RREB1: variants seen among roughly 807,000 people sequenced by gnomAD.
RREB1 encodes the protein ras-responsive element-binding protein 1.
RREB1 carries 27 observed loss-of-function variants against 117.8 expected under a neutral mutation model. That is an observed-to-expected ratio of 0.23 (90% CI 0.17 to 0.32). RREB1 has a LOEUF of 0.32. RREB1 is among the 10% of genes least tolerant of loss of function. The probability of loss-of-function intolerance (pLI) is 1.00; values close to 1 mark genes in which losing one functional copy is unlikely to be tolerated. For missense variants in RREB1, 2,577 were observed against 2,378.2 expected, an observed-to-expected ratio of 1.08 and a Z score of -1.74; for synonymous variants, 1,298 against 1,026.7, an observed-to-expected ratio of 1.26 and a Z score of -5.05.
intron 1 of RREB1, among the ~76,000 whole-genome samples, chr6:7,154,796 C>T (rs1581461369): frequency 6.6e-6 from 1 of 152,126 alleles, no homozygotes; most frequent in East Asian, 1.9e-4. Flanking sequence ...ACCCACCGGG[C>T]CTTAAGGTAG....
chr6:7,214,019 G>A (rs1439149940), intron 8 of RREB1: 3 of 152,408 alleles, frequency 2.0e-5, no homozygotes, highest in African/African-American at 4.8e-5. Flanking sequence ...TGACCTGGGT[G>A]AGGGACGAGG....
intron 1 of RREB1, among the ~76,000 whole-genome samples, chr6:7,162,412 T>C (rs575713696): frequency 1.1e-3 from 166 of 152,342 alleles, no homozygotes; most frequent in African/African-American, 3.9e-3. Context: ...TTTGCTGTGC[T>C]GCCCTCGCCT....
rs1264989704 is a variant in RREB1 at position 7,231,008 on chromosome 6, C to T, written c.2909C>T (p.Ser970Phe). ...EEEAGSSEQP[S>F]PCPAPGPSLP... is the part of the protein sequence containing the mutation. ...GAGGCGGGGAGCAGCGAGCAGCCCT[C>T]TCCCTGCCCAGCACCCGGCCCTTCT... The change falls in exon 10 of 13, where the codon TCT becomes TTT. Residue 970 changes from serine to phenylalanine, a missense_variant. Physicochemically the swap from Ser to Phe is radical, Grantham distance 155. Coordinates refer to ENST00000379938, the MANE Select transcript of RREB1 (RefSeq NM_001003699.4). 3.1e-6 allele frequency: 5 copies of T among 1,614,180 alleles called. No individual in the cohort carries two copies. Among genetic ancestry groups the T allele is most frequent in the Admixed American group, 1.7e-5 (1 of 60,032 alleles).
chr6:7,128,694 C>T (rs1202177077), intron 1 of RREB1, among the ~76,000 whole-genome samples: 2 of 152,084 alleles, frequency 1.3e-5, no homozygotes, highest in South Asian at 2.1e-4. Context: ...TGGGGCCGGG[C>T]GTGGTGGCTC....
At chr6:7,181,629 G>A in intron 3 of RREB1, 1 of 584,546 alleles carries the variant, frequency 1.7e-6, no homozygotes. Flanking sequence ...TCATGAGTTT[G>A]AGTCCTGTTG....
intron 10 of RREB1, among the ~76,000 whole-genome samples, chr6:7,235,222 A>G (rs1287001919): frequency 6.6e-6 from 1 of 152,110 alleles, no homozygotes; most frequent in Non-Finnish European, 1.5e-5. Context: ...GTGTTAGAGC[A>G]TTTTCCATTC....
intron 6 of RREB1, among the ~76,000 whole-genome samples, chr6:7,210,356 A>T (rs1207905301): frequency 1.3e-5 from 2 of 152,244 alleles, no homozygotes; most frequent in African/African-American, 4.8e-5. Context: ...CAGAAAAGAG[A>T]GATGTGTACA....
intron 10 of RREB1, 68 bp from the exon 11 acceptor site, chr6:7,240,370 C>T (rs1429342131): frequency 2.9e-6 from 4 of 1,382,856 alleles, no homozygotes; most frequent in Non-Finnish European, 4.0e-6. Flanking sequence ...GGAGAATAAA[C>T]AAAAGCGACT....
chr6:7,236,507 C>T (rs577566906), intron 10 of RREB1, among the ~76,000 whole-genome samples: 2 of 152,096 alleles, frequency 1.3e-5, no homozygotes, highest in African/African-American at 4.8e-5. Flanking sequence ...CAGCTTTGGC[C>T]GTTTGTACCC....
intron 6 of RREB1, among the ~76,000 whole-genome samples, chr6:7,198,783 C>T (rs1013767133): frequency 7.2e-5 from 11 of 152,216 alleles, no homozygotes; most frequent in African/African-American, 2.6e-4. Context: ...CTTCTCTTTT[C>T]AACCAGATTA....
At chr6:7,142,822 C>T (rs1762675326) in intron 1 of RREB1, among the ~76,000 whole-genome samples, 1 of 152,212 alleles carries the variant, frequency 6.6e-6, no homozygotes, top group South Asian at 2.1e-4. Context: ...GCTGCACCAC[C>T]TTTGGTGGTC....
chr6:7,197,582 C>T (rs937027370), intron 6 of RREB1, among the ~76,000 whole-genome samples: 7 of 152,212 alleles, frequency 4.6e-5, no homozygotes, highest in African/African-American at 1.7e-4. Flanking sequence ...GTTGAGTTCA[C>T]TTGAACTCAT....
At chr6:7,194,863 A>G (rs1029620876) in intron 6 of RREB1, among the ~76,000 whole-genome samples, 52 of 152,218 alleles carry the variant, frequency 3.4e-4, no homozygotes, top group Admixed American at 1.3e-4. Context: ...ATGACAATCT[A>G]AGGAAGTGTT....
rs1000837350 is a variant in RREB1, at chr6:7,231,667, A to G, written c.3568A>G (p.Thr1190Ala). Residue 1190 changes from threonine (T) to alanine (A), a missense_variant, in exon 10 of 13, where the codon ACC becomes GCC. Coordinates refer to ENST00000379938, the MANE Select transcript of RREB1 (RefSeq NM_001003699.4). ...CGAGAAGATGCTGGCCACCACAGACACCAACAAGTTCAGTCCGTTTCTGCA... is the reference window on the plus strand; with the variant it reads ...CGAGAAGATGCTGGCCACCACAGACGCCAACAAGTTCAGTCCGTTTCTGCA... The part of the protein sequence containing the change: ...SIEKMLATTD[T>A]NKFSPFLQTA... 6.2e-7 allele frequency: 1 copy of G among 1,611,654 alleles called. No individual in the cohort carries two copies. Among genetic ancestry groups the G allele is most frequent in the Non-Finnish European group, 8.5e-7 (1 of 1,178,490 alleles).
intron 1 of RREB1, among the ~76,000 whole-genome samples, chr6:7,165,425 C>T (rs1284708420): frequency 6.6e-6 from 1 of 152,162 alleles, no homozygotes; most frequent in African/African-American, 2.4e-5. Context: ...GGGTGGTGAG[C>T]AAGACATGCC....
intron 1 of RREB1, among the ~76,000 whole-genome samples, chr6:7,130,881 T>C (rs1285878): frequency 1 from 150,348 of 150,854 alleles, 74,932 homozygotes; most frequent in Middle Eastern, 1. Flanking sequence ...TCCCAAAGTG[T>C]TGGGATTACA....
chr6:7,229,148 C>T lies in RREB1; in HGVS notation c.1049C>T (p.Ala350Val). The change falls in exon 10 of 13, where the codon GCC (alanine) becomes GTC (valine). Residue 350 changes from alanine to valine, a missense_variant. By Grantham distance (64) the Ala-to-Val change is moderately conservative (BLOSUM62 0). Coordinates refer to ENST00000379938, the MANE Select transcript of RREB1 (RefSeq NM_001003699.4). The surrounding 1 kb of genome is among the most constrained non-coding windows in gnomAD (Gnocchi z 4.5). ...GACCAGGGTCAAGAAAAGCCGCAGGCCACGCCCCTGCCTGGTGACGCCCTG... is the reference window on the plus strand; with the variant it reads ...GACCAGGGTCAAGAAAAGCCGCAGGTCACGCCCCTGCCTGGTGACGCCCTG... The part of the protein sequence containing the change: ...AADQGQEKPQ[A>V]TPLPGDALDQ... The T allele has an allele frequency of 4.3e-6, 7 of 1,610,184 alleles. No homozygotes were observed. Among genetic ancestry groups the T allele is most frequent in the Non-Finnish European group, 5.9e-6 (7 of 1,177,064 alleles).
chr6:7,151,571 TG>T (rs1763124195), intron 1 of RREB1, among the ~76,000 whole-genome samples: 1 of 152,214 alleles, frequency 6.6e-6, no homozygotes, highest in Non-Finnish European at 1.5e-5. Context: ...TCTGCATAGA[TG>T]TTGCACATTG....
chr6:7,131,862 ACTTTTTTTTTTTTT>A, intron 1 of RREB1, among the ~76,000 whole-genome samples: 1 of 148,846 alleles, frequency 6.7e-6, no homozygotes, highest in Non-Finnish European at 1.5e-5. Context: ...CTCCTTGAGG[ACTTTTTTTTTTTTT>A]GGAGACAGAG....
Sources: allele counts gnomAD v4.1 joint callset (sites outside exome capture counted in the v4.1 genomes callset), GRCh38; gene constraint gnomAD v4.1.1; non-coding constraint Gnocchi (gnomAD v3.1); transcripts MANE v1.5; gene names NCBI Gene and HGNC (gene_info 2026-07-23, HGNC 2026-07-21).